The following ROBO2 variants were observed in gnomAD, a reference collection of about 807,000 sequenced individuals.
ROBO2 encodes roundabout homolog 2.
In ROBO2, 53 loss-of-function variants were observed where a neutral mutation model predicts 160.8. That is an observed-to-expected ratio of 0.33 (90% CI 0.26 to 0.41). ROBO2 has a LOEUF of 0.41. Among genes scored for constraint, ROBO2 ranks in the 10% least tolerant of loss-of-function variants. The pLI is 1.00. For missense variants in ROBO2, 1,577 were observed against 1,722.4 expected (o/e 0.92, Z 1.49); for synonymous variants, 664 against 611.7 (o/e 1.09, Z -1.26).
At chr3:76,068,199 T>G (rs184647252) in intron 2 of ROBO2, among the ~76,000 whole-genome samples, 6 of 152,182 alleles carry the variant, frequency 3.9e-5, no homozygotes, top group African/African-American at 7.2e-5. Flanking sequence ...CCTGCAGGTG[T>G]CTGGTGTGTT....
At position 76,098,555 on chromosome 3, in the gene ROBO2, TAAATCAAATA is replaced by T. The variant is rs2069548344; in HGVS notation, c.109+160956_109+160965del. On this transcript the variant is annotated intron_variant, in intron 2 of 26. Transcript: ENST00000487694. ...GATCATTAGTCTTTCTGATAAAAGATAAATCAAATAAATATGAAAAAATAACAATTCCTGT... is the reference window on the plus strand; with the variant it reads ...GATCATTAGTCTTTCTGATAAAAGATAATATGAAAAAATAACAATTCCTGT... Among the ~76,000 whole-genome samples, 18 of 101,950 alleles carry T rather than the reference TAAATCAAATA, an allele frequency of 1.8e-4. No homozygotes were observed. The South Asian group carries it at 6.7e-3, about 38-fold the overall frequency. 66.9% of individuals were successfully genotyped at this position (101,950 alleles called of 152,430 possible).
At chr3:76,869,024 A>ATT (rs903256192) in intron 2 of ROBO2, among the ~76,000 whole-genome samples, 4 of 151,918 alleles carry the variant, frequency 2.6e-5, no homozygotes, top group African/African-American at 9.7e-5. Flanking sequence ...CATTCTGTGC[A>ATT]TTTTTTTTCT....
chr3:76,822,768 C>T (rs926254465), intron 2 of ROBO2, among the ~76,000 whole-genome samples: 2 of 151,754 alleles, frequency 1.3e-5, no homozygotes, highest in African/African-American at 2.4e-5. Flanking sequence ...AAGAAGGACC[C>T]TCTACAAATT....
intron 2 of ROBO2, among the ~76,000 whole-genome samples, chr3:76,862,345 C>T (rs2070876338): frequency 6.6e-6 from 1 of 152,030 alleles, no homozygotes; most frequent in Non-Finnish European, 1.5e-5. Flanking sequence ...GGGTACCTGG[C>T]TAGGTCTACA....
chr3:77,628,164 A>G (rs2095073700), intron 23 of ROBO2, among the ~76,000 whole-genome samples: 1 of 115,730 alleles, frequency 8.6e-6, no homozygotes, highest in Non-Finnish European at 1.9e-5. Flanking sequence ...GTAAACACAA[A>G]TAAATTTGGC....
At chr3:77,048,065 G>A (rs1204924084) in intron 1 of ROBO2, among the ~76,000 whole-genome samples, 1 of 152,024 alleles carries the variant, frequency 6.6e-6, no homozygotes, top group Non-Finnish European at 1.5e-5. Flanking sequence ...AGATATATAT[G>A]ATGCCATGAA....
intron 2 of ROBO2, among the ~76,000 whole-genome samples, chr3:76,915,279 G>A (rs1050006306): frequency 5.3e-5 from 8 of 152,104 alleles, no homozygotes; most frequent in Non-Finnish European, 1.5e-5. Context: ...CATGAATGAT[G>A]TGTCTTCTGT....
Position 76,078,819 on chromosome 3 carries a change from C to A in ROBO2, c.109+141217C>A, listed in dbSNP as rs573393142. Among the ~76,000 whole-genome samples the A allele has an allele frequency of 9.2e-5, 14 of 152,136 alleles. No homozygotes were observed. In the East Asian group the frequency reaches 1.9e-3, roughly 21 times the overall value. ...CTTCAATTTTTAGTTTTTTGAGGGA[C>A]CTCCATGGTTTTACTAATTTACATT... On this transcript the variant is annotated intron_variant, in intron 2 of 26. Transcript: ENST00000487694.
intron 19 of ROBO2, among the ~76,000 whole-genome samples, chr3:77,601,339 A>G (rs1003675637): frequency 6.6e-6 from 1 of 152,188 alleles, no homozygotes; most frequent in Non-Finnish European, 1.5e-5. Flanking sequence ...AGTGTTATTT[A>G]GTGATTTCTA....
chr3:77,092,877 A>G (rs938817600), intron 1 of ROBO2, among the ~76,000 whole-genome samples: 1 of 151,268 alleles, frequency 6.6e-6, no homozygotes, highest in Non-Finnish European at 1.5e-5. Context: ...TCTGTAGAAG[A>G]GATATTTATA....
At chr3:76,127,597 A>AAAAT (rs879328622) in intron 2 of ROBO2, among the ~76,000 whole-genome samples, 30 of 118,402 alleles carry the variant, frequency 2.5e-4, no homozygotes, top group African/African-American at 7.9e-4. Flanking sequence ...GGTTTGAAAA[A>AAAAT]ATATATATAT....
intron 2 of ROBO2, among the ~76,000 whole-genome samples, chr3:77,130,231 C>T (rs557279141): frequency 8.4e-4 from 128 of 152,186 alleles, no homozygotes; most frequent in African/African-American, 2.9e-3. Flanking sequence ...TCAAGCCTCT[C>T]GTCTCCTTTG....
intron 2 of ROBO2, among the ~76,000 whole-genome samples, chr3:76,252,395 G>A (rs1295877684): frequency 6.6e-6 from 1 of 152,036 alleles, no homozygotes; most frequent in Non-Finnish European, 1.5e-5. Context: ...CTCAATGAAT[G>A]AAAGATGAAA....
intron 2 of ROBO2, among the ~76,000 whole-genome samples, chr3:76,069,525 G>GT (rs35295337): frequency 0.02 from 2,901 of 148,136 alleles, 102 homozygotes; most frequent in African/African-American, 0.062. Context: ...CTTATTGCTA[G>GT]TTTTTTTTTT....
intron 2 of ROBO2, among the ~76,000 whole-genome samples, chr3:76,003,987 A>G (rs1485152081): frequency 6.6e-6 from 1 of 152,210 alleles, no homozygotes; most frequent in Non-Finnish European, 1.5e-5. Context: ...TTGGAAAACA[A>G]TAGGGAAGTT....
At chr3:76,225,862 C>A (rs1038576913) in intron 2 of ROBO2, among the ~76,000 whole-genome samples, 3 of 152,126 alleles carry the variant, frequency 2.0e-5, no homozygotes, top group African/African-American at 7.2e-5. Flanking sequence ...CCAAAAAACT[C>A]TAAACATTGC....
intron 2 of ROBO2, among the ~76,000 whole-genome samples, chr3:77,475,972 C>T (rs2083947651): frequency 6.6e-6 from 1 of 152,170 alleles, no homozygotes; most frequent in Admixed American, 6.5e-5. Flanking sequence ...AGCTTATAAA[C>T]TGAGAGTGAG....
chr3:75,928,280 G>T (rs1013395447), intron 1 of ROBO2, among the ~76,000 whole-genome samples: 1 of 152,104 alleles, frequency 6.6e-6, no homozygotes. Context: ...CACCGTGCCC[G>T]GCCTCTATTT....
chr3:76,292,495 A>G (rs1708852866), intron 2 of ROBO2, among the ~76,000 whole-genome samples: 1 of 152,010 alleles, frequency 6.6e-6, no homozygotes, highest in African/African-American at 2.4e-5. Flanking sequence ...AAGAATGTAG[A>G]CTCTCTATTC....
Sources: allele counts gnomAD v4.1 joint callset (sites outside exome capture counted in the v4.1 genomes callset), GRCh38; gene constraint gnomAD v4.1.1; transcripts MANE v1.5; gene names NCBI Gene and HGNC (gene_info 2026-07-23, HGNC 2026-07-21).